The following CD6 variants were observed in gnomAD, a reference collection of about 807,000 sequenced individuals.
The protein encoded by CD6 is T-cell differentiation antigen CD6.
A neutral mutation model predicts 75.3 loss-of-function variants in CD6; 53 were observed. The ratio of observed to expected loss-of-function variants is 0.70; its 90% CI spans 0.56 to 0.88. The LOEUF is 0.88. Among genes scored for constraint, CD6 ranks in the 40% least tolerant of loss-of-function variants. The pLI, the probability that CD6 is intolerant of heterozygous loss-of-function variation, is 0.00. For missense variants in CD6, 770 were observed against 897.1 expected (o/e 0.86, Z 1.81); for synonymous variants, 359 against 381.5 (o/e 0.94, Z 0.69).
chr11:60,998,682 G>A (rs1255645323), intron 1 of CD6, among the ~76,000 whole-genome samples: 4 of 152,178 alleles, frequency 2.6e-5, no homozygotes, highest in Non-Finnish European at 2.9e-5. Flanking sequence ...GCTCTCTGCA[G>A]GCTCATTGGA....
chr11:60,995,237 CG>C (rs1405081783), intron 1 of CD6, among the ~76,000 whole-genome samples: 2 of 152,160 alleles, frequency 1.3e-5, no homozygotes, highest in East Asian at 3.9e-4. Context: ...CTCCCCCTCC[CG>C]GATTCAAGCG....
At chr11:60,972,377 G>A (rs1026304938) in intron 1 of CD6, among the ~76,000 whole-genome samples, 1 of 152,206 alleles carries the variant, frequency 6.6e-6, no homozygotes, top group Non-Finnish European at 1.5e-5. Flanking sequence ...ACAGGACTCA[G>A]GGAAGCCAGG....
chr11:61,008,327 C>T (rs1858975275), intron 3 of CD6: 3 of 564,470 alleles, frequency 5.3e-6, no homozygotes, highest in Non-Finnish European at 9.3e-6. Context: ...CAGGCCCCGC[C>T]CACCAGGTCT....
chr11:61,003,795 A>G (rs559366651), intron 1 of CD6, among the ~76,000 whole-genome samples: 21 of 152,320 alleles, frequency 1.4e-4, no homozygotes, highest in Admixed American at 3.9e-4. Context: ...CCCTCTGTGA[A>G]ATGAGGCCTG....
At chr11:60,980,020 G>C (rs1440562126) in intron 1 of CD6, among the ~76,000 whole-genome samples, 1 of 152,132 alleles carries the variant, frequency 6.6e-6, no homozygotes, top group Non-Finnish European at 1.5e-5. Flanking sequence ...ACAACACCAG[G>C]ACAATCACCC....
intron 4 of CD6, 27 bp downstream of exon 4, chr11:61,008,872 G>A (rs752881167): frequency 2.3e-5 from 34 of 1,499,560 alleles, no homozygotes; most frequent in Non-Finnish European, 2.8e-5. Flanking sequence ...ACTGAAGCCC[G>A]GTCACTACCA....
Position 61,008,673 on chromosome 11 carries a change from C to T in CD6, c.609C>T (p.Gly203=). ...EDAHVVCRQL[G]CGWAVQALPG... The stretch of plus-strand genomic sequence containing the variant: ...CCCACGTGGTGTGCAGGCAACTGGG[C>T]TGCGGCTGGGCAGTCCAGGCCCTGC... The change falls in exon 4 of 13, where the codon GGC becomes GGT. Residue 203 remains glycine, a synonymous_variant. Transcript: ENST00000313421. The T allele has an allele frequency of 6.2e-7, 1 of 1,608,086 alleles. No homozygotes were observed. The highest frequency in any genetic ancestry group is 8.5e-7 in the Non-Finnish European group (1 of 1,177,782).
chr11:60,982,533 G>T (rs1424247134), intron 1 of CD6: 2 of 454,542 alleles, frequency 4.4e-6, no homozygotes, highest in Non-Finnish European at 4.4e-6. Flanking sequence ...AGACAGAGCT[G>T]AGGAAGCCCC....
In CD6 at chr11:61,017,841, G is replaced by A. The variant is rs189657772; in HGVS notation, c.1665G>A (p.Gln555=). The A allele has an allele frequency of 9.9e-6, 16 of 1,614,130 alleles. No homozygotes were observed. In the Admixed American group the frequency reaches 1.3e-4, roughly 13 times the overall value. Residue 555 remains glutamine (Q), a synonymous_variant, in exon 11 of 13, where the codon CAG becomes CAA. Transcript: ENST00000313421. The part of the protein sequence containing the change: ...CITDPPSLGP[Q]YHPRSNSESS... ...CAGACCCGCCATCCCTGGGCCCTCA[G>A]TATCACCCGAGGAGCAACAGTGAGT...
intron 6 of CD6, among the ~76,000 whole-genome samples, chr11:61,012,667 C>T (rs1396165001): frequency 2.0e-5 from 3 of 152,278 alleles, no homozygotes; most frequent in South Asian, 2.1e-4. Context: ...CCTCACTGAC[C>T]CCTGTATCCA....
At chr11:61,006,440 G>A (rs1345768951) in intron 1 of CD6, 134 bp from the exon 2 acceptor site, 1 of 671,924 alleles carries the variant, frequency 1.5e-6, no homozygotes, top group African/African-American at 1.8e-5. Context: ...ACCCAAAGTT[G>A]AGGACCACGT....
At chr11:60,984,823 C>T (rs575396494) in intron 1 of CD6, among the ~76,000 whole-genome samples, 5 of 152,112 alleles carry the variant, frequency 3.3e-5, no homozygotes, top group African/African-American at 7.2e-5. Context: ...GGAGCAGGGG[C>T]GGAGGCCCTG....
intron 1 of CD6, among the ~76,000 whole-genome samples, chr11:60,998,308 G>A (rs909070186): frequency 6.6e-6 from 1 of 152,150 alleles, no homozygotes; most frequent in African/African-American, 2.4e-5. Context: ...ACAGATAACC[G>A]CTATCATCTA....
chr11:61,002,197 T>C (rs572493515), intron 1 of CD6, among the ~76,000 whole-genome samples: 6 of 152,326 alleles, frequency 3.9e-5, no homozygotes, highest in African/African-American at 1.4e-4. Flanking sequence ...TGGACCGTAA[T>C]TGATTCAGCC....
At position 61,015,843 on chromosome 11, in the gene CD6, C is replaced by T. The variant is rs1352166988; in HGVS notation, c.1510+8C>T. ...CCCTGACCACCTTCTACAGTGAGTG[C>T]CTGGCCGGGCTCCCGAGGGCCCACC... On this transcript the variant is annotated splice_region_variant and intron_variant, in intron 9 of 12. Coordinates refer to ENST00000313421, the MANE Select transcript of CD6 (RefSeq NM_006725.5). 3 of 1,613,670 alleles carry T rather than the reference C, an allele frequency of 1.9e-6. No homozygotes were observed. Among genetic ancestry groups the T allele is most frequent in the Non-Finnish European group, 2.5e-6 (3 of 1,179,876 alleles).
intron 1 of CD6, among the ~76,000 whole-genome samples, chr11:60,972,923 C>T (rs961855370): frequency 2.0e-5 from 3 of 152,152 alleles, no homozygotes; most frequent in African/African-American, 7.2e-5. Context: ...CAGGGAAAGC[C>T]ATTCGGCTCT....
At position 61,020,360 on chromosome 11, in the gene CD6, C is replaced by T. The variant is rs939521204; in HGVS notation, c.*1042C>T. 2.5e-6 allele frequency: 1 copy of T among 398,788 alleles called. No homozygotes were observed. Among genetic ancestry groups the T allele is most frequent in the Non-Finnish European group, 4.4e-6 (1 of 226,082 alleles). The allele number at this position is 398,788 out of a possible 1,614,324, so 24.7% of individuals were successfully genotyped here. On this transcript the variant is annotated 3_prime_UTR_variant, in exon 13 of 13. Coordinates refer to ENST00000313421, the MANE Select transcript of CD6 (RefSeq NM_006725.5). ...CTGCTCTGAGTATCCTGAGATTAAACTGAATTGCTGAATGAAACCAGGGCG... is the reference window on the plus strand; with the variant it reads ...CTGCTCTGAGTATCCTGAGATTAAATTGAATTGCTGAATGAAACCAGGGCG...
chr11:60,996,556 A>G (rs916813), intron 1 of CD6, among the ~76,000 whole-genome samples: 24,231 of 152,262 alleles, frequency 0.16, 2,695 homozygotes, highest in Middle Eastern at 0.31. Flanking sequence ...AGGCGGGCCC[A>G]CCAGGGTTCA....
intron 11 of CD6, 53 bp from the exon 12 acceptor site, chr11:61,018,236 C>T: frequency 6.8e-7 from 1 of 1,472,426 alleles, no homozygotes; most frequent in Non-Finnish European, 9.2e-7. Context: ...GCTCTGGCAA[C>T]TTGAGAAGTG....
Sources: gnomAD v4.1 joint callset for allele counts (sites outside exome capture counted in the v4.1 genomes callset) on GRCh38, gnomAD v4.1.1 for gene constraint, MANE v1.5 for transcripts, NCBI Gene and HGNC (gene_info 2026-07-23, HGNC 2026-07-21) for gene names.